SLC1A2: variants seen among roughly 807,000 people sequenced by gnomAD.
The protein encoded by SLC1A2 is solute carrier family 1 member 2.
Under a neutral mutation model 48.8 loss-of-function variants are expected in SLC1A2, and 15 were observed. The observed-to-expected ratio is 0.31, with a 90% CI of 0.21 to 0.47. The LOEUF (loss-of-function observed/expected upper bound fraction) is 0.47. SLC1A2 is among the 20% of genes least tolerant of loss of function. The probability of loss-of-function intolerance (pLI) is 0.99; values close to 1 mark genes in which losing one functional copy is unlikely to be tolerated. For synonymous variants in SLC1A2, 279 were observed against 272.6 expected (o/e 1.02, Z -0.23); for missense variants, 502 against 730.5 (o/e 0.69, Z 3.61).
chr11:35,301,676 C>A (rs1220747580), intron 5 of SLC1A2, 31 bp from the exon 6 acceptor site: 3 of 1,603,798 alleles, frequency 1.9e-6, no homozygotes, highest in Admixed American at 1.7e-5. Context: ...CATAGAAGGA[C>A]AAATTACAAA....
At chr11:35,360,666 T>A (rs1402177927) in intron 1 of SLC1A2, among the ~76,000 whole-genome samples, 1 of 152,168 alleles carries the variant, frequency 6.6e-6, no homozygotes, top group African/African-American at 2.4e-5. Context: ...TTCCATAGCT[T>A]AATTTACTCC....
Position 35,286,840 on chromosome 11 carries a change from T to G in SLC1A2, c.1203A>C (p.Thr401=). Residue 401 remains threonine (T), a synonymous_variant, in exon 8 of 11, where the codon ACA becomes ACC. Transcript: ENST00000278379. ...TGGCGGCTACCGCTTCATAAAGGGCTGTACCATCCATGTTAATGGTTGCTC... is the reference window on the plus strand; with the variant it reads ...TGGCGGCTACCGCTTCATAAAGGGCGGTACCATCCATGTTAATGGTTGCTC... ...PVGATINMDG[T]ALYEAVAAIF... is the part of the protein sequence containing the mutation. 1.2e-6 allele frequency: 2 copies of G among 1,614,042 alleles called. No homozygotes were observed. Among genetic ancestry groups the G allele is most frequent in the Admixed American group, 1.7e-5 (1 of 60,024 alleles).
intron 1 of SLC1A2, among the ~76,000 whole-genome samples, chr11:35,362,011 A>G (rs964867363): frequency 2.6e-5 from 4 of 152,214 alleles, no homozygotes; most frequent in African/African-American, 9.6e-5. Flanking sequence ...GACTTTTGTC[A>G]TCATATTGGT....
intron 1 of SLC1A2, among the ~76,000 whole-genome samples, chr11:35,403,751 G>A (rs991167834): frequency 6.6e-6 from 1 of 151,602 alleles, no homozygotes; most frequent in Non-Finnish European, 1.5e-5. Flanking sequence ...TGAGCTCTTC[G>A]GCTGCATGCA....
intron 1 of SLC1A2, among the ~76,000 whole-genome samples, chr11:35,379,523 T>C (rs116204392): frequency 0.014 from 2,077 of 152,260 alleles, 38 homozygotes; most frequent in African/African-American, 0.048. Context: ...ACCTAGCAAT[T>C]TGGGAGCTTA....
In SLC1A2 at chr11:35,368,090, G is replaced by T. The variant is rs911307294; in HGVS notation, c.18-50574C>A. Among the ~76,000 whole-genome samples the T allele has an allele frequency of 2.0e-5, 3 of 152,110 alleles. No homozygotes were observed. In the South Asian group the frequency reaches 6.2e-4, roughly 31 times the overall value. Reference sequence around the variant, plus strand: ...TGTCATACTCAGAAAGATTGAAAAAGAATTTAAAAAGGAATAATTTTCTCA... The same window carrying T: ...TGTCATACTCAGAAAGATTGAAAAATAATTTAAAAAGGAATAATTTTCTCA... On this transcript the variant is annotated intron_variant, in intron 1 of 10. Transcript: ENST00000278379.
intron 1 of SLC1A2, among the ~76,000 whole-genome samples, chr11:35,379,172 T>G (rs1393393869): frequency 6.6e-6 from 1 of 151,930 alleles, no homozygotes; most frequent in East Asian, 1.9e-4. Context: ...GAGGTTGCAG[T>G]GAGACGAGAT....
At chr11:35,325,788 C>A (rs575536214) in intron 1 of SLC1A2, among the ~76,000 whole-genome samples, 2 of 151,816 alleles carry the variant, frequency 1.3e-5, no homozygotes, top group African/African-American at 2.4e-5. Context: ...CATAGTGAAA[C>A]CCTGTCTCTA....
At position 35,255,278 on chromosome 11, in the gene SLC1A2, G is replaced by A. The variant is rs1419985201; in HGVS notation, c.*5616C>T. On this transcript the variant is annotated 3_prime_UTR_variant, in exon 11 of 11. Coordinates refer to ENST00000278379, the MANE Select transcript of SLC1A2 (RefSeq NM_004171.4). ...AGGTTGTTTAAAGATCATGGCTGGTGACATGGACCTTGTAGACCATGCATT... is the reference window on the plus strand; with the variant it reads ...AGGTTGTTTAAAGATCATGGCTGGTAACATGGACCTTGTAGACCATGCATT... 6.2e-6 allele frequency: 1 copy of A among 162,242 alleles called. No homozygotes were observed. The highest frequency in any genetic ancestry group is 1.8e-4 in the East Asian group (1 of 5,502). 10.1% of individuals were successfully genotyped at this position (162,242 alleles called of 1,614,324 possible). A position where few individuals can be genotyped will look rare whatever the true frequency, so the allele number is the denominator to read the frequency against.
intron 2 of SLC1A2, chr11:35,315,808 A>AAAAAAAAAAAAG (rs371762829): frequency 1.7e-4 from 24 of 139,360 alleles, no homozygotes; most frequent in Non-Finnish European, 2.9e-4. Flanking sequence ...AAAAAAAAAA[A>AAAAAAAAAAAAG]AAAGAAAGAA....
chr11:35,291,238 C>T (rs1320731411), intron 7 of SLC1A2, among the ~76,000 whole-genome samples: 1 of 152,002 alleles, frequency 6.6e-6, no homozygotes, highest in Non-Finnish European at 1.5e-5. Context: ...CTTAAAAATT[C>T]TCAATTGTAA....
At position 35,312,303 on chromosome 11, in the gene SLC1A2, C is replaced by A. The variant is rs778666459; in HGVS notation, c.456G>T (p.Gln152His). The A allele has an allele frequency of 7.4e-6, 12 of 1,614,178 alleles. No individual in the cohort carries two copies. Among genetic ancestry groups the A allele is most frequent in the Non-Finnish European group, 1.0e-5 (12 of 1,180,006 alleles). Residue 152 changes from glutamine to histidine, a missense_variant, in exon 4 of 11, where the codon CAG (glutamine) becomes CAT (histidine). Gln to His is a conservative substitution (Grantham distance 24, BLOSUM62 0). This residue lies in a region of SLC1A2 where 309 missense variants were observed against 480.3 expected (regional missense o/e 0.64). Coordinates refer to ENST00000278379, the MANE Select transcript of SLC1A2 (RefSeq NM_004171.4). ...IHPGNPKLKK[Q>H]LGPGKKNDEV... ...CATCATTCTTCTTCCCAGGCCCCAG[C>A]TGCTTCTTGAGCTTGGGATTGCCTG...
At chr11:35,272,781 A>T (rs1016842222) in intron 9 of SLC1A2, among the ~76,000 whole-genome samples, 1 of 152,186 alleles carries the variant, frequency 6.6e-6, no homozygotes, top group Non-Finnish European at 1.5e-5. Context: ...GGGGATGAAG[A>T]TGAAAGCAGA....
At chr11:35,384,380 G>A (rs1042331969) in intron 1 of SLC1A2, among the ~76,000 whole-genome samples, 1 of 152,178 alleles carries the variant, frequency 6.6e-6, no homozygotes, top group Admixed American at 6.5e-5. Context: ...GATTGTCTGA[G>A]TTCTGATTTC....
intron 1 of SLC1A2, among the ~76,000 whole-genome samples, chr11:35,394,591 A>G (rs1237247670): frequency 6.6e-6 from 1 of 152,022 alleles, no homozygotes; most frequent in African/African-American, 2.4e-5. Flanking sequence ...TAGAGAATTC[A>G]CTCCATTGTA....
intron 3 of SLC1A2, among the ~76,000 whole-genome samples, chr11:35,312,990 T>C (rs1851755080): frequency 6.6e-6 from 1 of 152,234 alleles, no homozygotes; most frequent in Non-Finnish European, 1.5e-5. Flanking sequence ...ACAAATGGTC[T>C]GTAACAAATT....
intron 1 of SLC1A2, among the ~76,000 whole-genome samples, chr11:35,398,984 G>A (rs1052845665): frequency 6.6e-6 from 1 of 152,194 alleles, no homozygotes; most frequent in African/African-American, 2.4e-5. Context: ...TGGGAAGGAA[G>A]GATAATACAC....
At chr11:35,267,708 T>C (rs1446772327) in intron 9 of SLC1A2, among the ~76,000 whole-genome samples, 1 of 152,032 alleles carries the variant, frequency 6.6e-6, no homozygotes, top group African/African-American at 2.4e-5. Flanking sequence ...CTGGAATGTA[T>C]CCTGAGTCAT....
intron 1 of SLC1A2, chr11:35,404,178 CT>C: frequency 6.6e-6 from 1 of 152,268 alleles, no homozygotes; most frequent in Non-Finnish European, 1.5e-5. Flanking sequence ...ATTTTGGGGC[CT>C]TTCCAACCCT....
Sources: allele counts gnomAD v4.1 joint callset (sites outside exome capture counted in the v4.1 genomes callset), GRCh38; gene constraint gnomAD v4.1.1; regional missense constraint gnomAD v4.1.1; transcripts MANE v1.5; gene names NCBI Gene and HGNC (gene_info 2026-07-23, HGNC 2026-07-21).